TRIM64B: variants seen among roughly 807,000 people sequenced by gnomAD.
TRIM64B encodes tripartite motif containing 64B.
For synonymous variants in TRIM64B, 17 were observed against 190.3 expected (o/e 0.09, Z 7.50); for missense variants, 57 against 536.4 (o/e 0.11, Z 8.83).
At chr11:89,876,355 T>C (rs1221989533), upstream of TRIM64B, among the ~76,000 whole-genome samples, 2 of 146,982 alleles carry the variant, frequency 1.4e-5, no homozygotes, top group South Asian at 2.2e-4. Flanking sequence ...TTACTTTGAA[T>C]GCCTAATACA....
upstream of TRIM64B, among the ~76,000 whole-genome samples, chr11:89,877,927 A>G (rs1244316958): frequency 3.4e-5 from 5 of 148,978 alleles, no homozygotes; most frequent in Non-Finnish European, 7.5e-5. Context: ...AGCCGATTAA[A>G]TCTATTTTCA....
intron 3 of TRIM64B, 108 bp from the exon 5 acceptor site, chr11:89,873,398 T>TTAGCAGGAAATAAAAA: frequency 6.9e-7 from 1 of 1,457,730 alleles, no homozygotes; most frequent in Non-Finnish European, 9.3e-7. Context: ...TTTTATTTCC[T>TTAGCAGGAAATAAAAA]GCTAAGGAAT....
chr11:89,877,679 G>A (rs1399328970), upstream of TRIM64B, among the ~76,000 whole-genome samples: 2 of 149,176 alleles, frequency 1.3e-5, no homozygotes, highest in African/African-American at 4.8e-5. Context: ...GAGTGCAGTG[G>A]CACGATCTCA....
chr11:89,871,330 C>A (rs1231904969), intron 5 of TRIM64B, among the ~76,000 whole-genome samples: 1 of 152,198 alleles, frequency 6.6e-6, no homozygotes, highest in Admixed American at 6.5e-5. Flanking sequence ...AAAACGTGAC[C>A]ATACCACAGG....
intron 1 of TRIM64B, 113 bp from the exon 3 acceptor site, chr11:89,875,186 A>G (rs1950150449): frequency 8.1e-7 from 1 of 1,234,564 alleles, no homozygotes; most frequent in African/African-American, 1.5e-5. Context: ...GTTGGAGTGA[A>G]GTGGTCAGAT....
intron 5 of TRIM64B, among the ~76,000 whole-genome samples, chr11:89,871,434 A>G (rs1950107108): frequency 6.6e-6 from 1 of 152,212 alleles, no homozygotes; most frequent in South Asian, 2.1e-4. Context: ...TCCTTGTATT[A>G]TTTGTTTTTA....
At position 89,875,853 on chromosome 11, in the gene TRIM64B, G is replaced by T. The variant is rs1159444232; in HGVS notation, c.165C>A (p.Cys55Ter). Reference sequence around the variant, plus strand: ...AGTTGGGCTTCTCTGAGGTTTTTCTGCACGAAGGGCAGCGCATTGGTGCTC... The same window carrying T: ...AGTTGGGCTTCTCTGAGGTTTTTCTTCACGAAGGGCAGCGCATTGGTGCTC... Residue 55 changes from cysteine to a stop codon, truncating the protein, a stop_gained, in exon 1 of 6, where the codon TGC becomes TGA. Transcript: ENST00000329862. LOFTEE classifies it high-confidence loss of function. 1 of 1,550,260 alleles carries T rather than the reference G, an allele frequency of 6.5e-7. No individual in the cohort carries two copies. The highest frequency in any genetic ancestry group is 1.4e-5 in the African/African-American group (1 of 72,930).
intron 3 of TRIM64B, 92 bp downstream of exon 4, chr11:89,873,950 TAGCTTAG>T (rs1468390266): frequency 1.3e-6 from 1 of 747,408 alleles, no homozygotes; most frequent in Non-Finnish European, 2.3e-6. Flanking sequence ...ATGTGTCACT[TAGCTTAG>T]AGCAGTGACA....
chr11:89,877,308 G>T (rs2134714458), upstream of TRIM64B, among the ~76,000 whole-genome samples: 1 of 117,150 alleles, frequency 8.5e-6, no homozygotes, highest in African/African-American at 3.1e-5. Context: ...AATTAGGAAA[G>T]TTTTTTCCCA....
intron 2 of TRIM64B, among the ~76,000 whole-genome samples, chr11:89,874,625 G>GT (rs538508759): frequency 2.9e-3 from 138 of 46,870 alleles, no homozygotes; most frequent in African/African-American, 9.5e-3. Context: ...ATATTATGCA[G>GT]TTTTTTTTTA....
intron 5 of TRIM64B, among the ~76,000 whole-genome samples, chr11:89,871,479 TGTGA>T (rs1224387254): frequency 2.7e-4 from 41 of 152,108 alleles, no homozygotes; most frequent in African/African-American, 8.7e-4. Flanking sequence ...TTTGCTGTGA[TGTGA>T]GTATTTATTG....
In TRIM64B at chr11:89,871,872, T is replaced by C. The variant is rs1590884472; in HGVS notation, c.856+343A>G. 7.8e-5 allele frequency among the ~76,000 whole-genome samples: 3 copies of C among 38,684 alleles called. No homozygotes were observed. In the East Asian group the frequency reaches 1.5e-3, roughly 20 times the overall value. 25.4% of individuals were successfully genotyped at this position (38,684 alleles called of 152,430 possible). A position where few individuals can be genotyped will look rare whatever the true frequency, so the allele number is the denominator to read the frequency against. On this transcript the variant is annotated intron_variant, in intron 5 of 5. Transcript: ENST00000329862. ...GAATAGAAACAATTAAAAACCATTATGCCAAATCTAAGCCTTCAAAATTGA... is the reference window on the plus strand; with the variant it reads ...GAATAGAAACAATTAAAAACCATTACGCCAAATCTAAGCCTTCAAAATTGA...
intron 5 of TRIM64B, among the ~76,000 whole-genome samples, chr11:89,871,515 T>G (rs1030713910): frequency 6.6e-6 from 1 of 151,600 alleles, no homozygotes. Context: ...ATGCCTGTTA[T>G]AGTCTCAAAC....
upstream of TRIM64B, among the ~76,000 whole-genome samples, chr11:89,876,814 T>C (rs1950168123): frequency 6.7e-6 from 1 of 149,378 alleles, no homozygotes; most frequent in Admixed American, 6.7e-5. Flanking sequence ...TCCACGGGTA[T>C]GAAACTTACG....
upstream of TRIM64B, among the ~76,000 whole-genome samples, chr11:89,876,515 G>A (rs1490466620): frequency 6.7e-6 from 1 of 149,520 alleles, no homozygotes; most frequent in Non-Finnish European, 1.5e-5. Context: ...GAGGTCAGGA[G>A]ATCGAGACCA....
At chr11:89,876,695 A>C (rs1240853027), upstream of TRIM64B, among the ~76,000 whole-genome samples, 2 of 146,488 alleles carry the variant, frequency 1.4e-5, no homozygotes, top group Non-Finnish European at 3.0e-5. Flanking sequence ...GCACTCCAGC[A>C]TGGGTAATGG....
exon 1 of TRIM64B, chr11:89,875,688 G>T (rs1246813779): frequency 6.5e-7 from 1 of 1,529,500 alleles, no homozygotes; most frequent in African/African-American, 1.4e-5. Context: ...AGGGCCCACA[G>T]AGCAATCTCT....
intron 4 of TRIM64B, 126 bp from the exon 6 acceptor site, chr11:89,872,438 C>T: frequency 1.3e-6 from 2 of 1,489,106 alleles, no homozygotes; most frequent in Non-Finnish European, 1.8e-6. Context: ...ACTGGGTGTA[C>T]ATTTTATTCC....
chr11:89,873,302 TGA>T lies in TRIM64B; in HGVS notation c.736-14_736-13del, dbSNP rs1950131723. 6.4e-7 allele frequency: 1 copy of T among 1,550,444 alleles called. No homozygotes were observed. Among genetic ancestry groups the T allele is most frequent in the South Asian group, 1.2e-5 (1 of 83,524 alleles). On this transcript the variant is annotated splice_polypyrimidine_tract_variant and intron_variant, in intron 3 of 5. Transcript: ENST00000329862. ...ACATTTCTCACATCCTGCAAAAAAA[TGA>T]AAGATAATGTTAATTATGAGAGATT...
Sources: gnomAD v4.1 joint callset for allele counts (sites outside exome capture counted in the v4.1 genomes callset) on GRCh38, gnomAD v4.1.1 for gene constraint, MANE v1.5 for transcripts, NCBI Gene and HGNC (gene_info 2026-07-23, HGNC 2026-07-21) for gene names.